TOX3: variants seen among roughly 807,000 people sequenced by gnomAD.
TOX3 encodes CAG trinucleotide repeat-containing gene F9 protein.
A neutral mutation model predicts 64.3 loss-of-function variants in TOX3; 22 were observed. The ratio of observed to expected loss-of-function variants is 0.34; its 90% CI spans 0.24 to 0.49. The LOEUF is 0.49. Among genes scored for constraint, TOX3 ranks in the 20% least tolerant of loss-of-function variants. TOX3 has a pLI of 0.99. For missense variants in TOX3, 661 were observed against 714.4 expected (o/e 0.93, Z 0.85); for synonymous variants, 291 against 273.6 (o/e 1.06, Z -0.63).
intron 1 of TOX3, among the ~76,000 whole-genome samples, chr16:52,476,488 G>A (rs1303469031): frequency 6.6e-6 from 1 of 151,904 alleles, no homozygotes; most frequent in African/African-American, 2.4e-5. Flanking sequence ...GTTTTGTTTT[G>A]GGAAGTTTTT....
At chr16:52,452,356 T>A (rs533581622) in intron 3 of TOX3, among the ~76,000 whole-genome samples, 1 of 152,324 alleles carries the variant, frequency 6.6e-6, no homozygotes, top group East Asian at 1.9e-4. Flanking sequence ...TTTGTCCTTG[T>A]GATAGATTGC....
intron 1 of TOX3, among the ~76,000 whole-genome samples, chr16:52,508,973 A>C (rs1596841208): frequency 6.6e-6 from 1 of 152,326 alleles, no homozygotes; most frequent in East Asian, 1.9e-4. Flanking sequence ...AAAGTATCTC[A>C]AAAAGGAACA....
Position 52,439,125 on chromosome 16 carries a change from T to C in TOX3, c.*100A>G. On this transcript the variant is annotated 3_prime_UTR_variant, in exon 7 of 7. Coordinates refer to ENST00000219746, the MANE Select transcript of TOX3 (RefSeq NM_001080430.4). ...AGGACCGTTTGATCTGTTACACATT[T>C]CTGCATAACCAACACCAACTTACAG... 2 of 1,535,880 alleles carry C rather than the reference T, an allele frequency of 1.3e-6. No homozygotes were observed. Among genetic ancestry groups the C allele is most frequent in the Non-Finnish European group, 1.8e-6 (2 of 1,127,700 alleles).
intron 1 of TOX3, among the ~76,000 whole-genome samples, chr16:52,491,018 G>T (rs1349170723): frequency 6.6e-6 from 1 of 152,118 alleles, no homozygotes; most frequent in Non-Finnish European, 1.5e-5. Flanking sequence ...TTCCAATATG[G>T]AAGTCTGATC....
At position 52,480,901 on chromosome 16, in the gene TOX3, AG is replaced by A. The variant is rs1037607338; in HGVS notation, c.88-12328del. Among the ~76,000 whole-genome samples, 27 of 106,982 alleles carry A rather than the reference AG, an allele frequency of 2.5e-4. 1 individual carries two copies. The East Asian group carries it at 5.3e-3, about 21-fold the overall frequency. The allele number at this position is 106,982 out of a possible 152,430, so 70.2% of individuals were successfully genotyped here. On this transcript the variant is annotated intron_variant, in intron 1 of 6. Transcript: ENST00000219746. ...CTCTGCCGGGGCAATTTTATTCCTC[AG>A]GGGACCTTTGATAATGTCTGAAGAG...
intron 2 of TOX3, among the ~76,000 whole-genome samples, chr16:52,465,922 G>A (rs185917228): frequency 6.6e-6 from 1 of 152,232 alleles, no homozygotes; most frequent in Non-Finnish European, 1.5e-5. Flanking sequence ...TGGATTTTCT[G>A]ACACATGCAT....
At chr16:52,479,780 G>A (rs1008733654) in intron 1 of TOX3, among the ~76,000 whole-genome samples, 4 of 152,136 alleles carry the variant, frequency 2.6e-5, no homozygotes, top group Admixed American at 1.3e-4. Flanking sequence ...AAAGGGTTGT[G>A]ACCTGTTATA....
At chr16:52,545,632 G>C (rs961896495) in intron 1 of TOX3, among the ~76,000 whole-genome samples, 1 of 152,210 alleles carries the variant, frequency 6.6e-6, no homozygotes, top group African/African-American at 2.4e-5. Context: ...GGAGGGAGGA[G>C]CAGGAGGAAG....
At chr16:52,451,078 G>A (rs949053254) in intron 3 of TOX3, among the ~76,000 whole-genome samples, 2 of 152,066 alleles carry the variant, frequency 1.3e-5, no homozygotes, top group Non-Finnish European at 1.5e-5. Flanking sequence ...GCAGAGGATG[G>A]GCCAGCAAAG....
intron 1 of TOX3, among the ~76,000 whole-genome samples, chr16:52,515,708 A>G (rs1019853448): frequency 2.0e-5 from 3 of 152,236 alleles, no homozygotes; most frequent in African/African-American, 7.2e-5. Context: ...GTTACTCTAA[A>G]TTAGAAGCAG....
intron 1 of TOX3, among the ~76,000 whole-genome samples, chr16:52,539,988 C>T (rs553959634): frequency 4.6e-5 from 7 of 152,192 alleles, no homozygotes; most frequent in East Asian, 3.9e-4. Flanking sequence ...ATCCTACTCC[C>T]GGTCTCTCCT....
chr16:52,510,504 C>G (rs1230608082), intron 1 of TOX3, among the ~76,000 whole-genome samples: 1 of 151,956 alleles, frequency 6.6e-6, no homozygotes, highest in African/African-American at 2.4e-5. Flanking sequence ...GCCTGTAATC[C>G]CAGCACTTTG....
At chr16:52,519,604 C>A in intron 1 of TOX3, 1 of 1,413,134 alleles carries the variant, frequency 7.1e-7, no homozygotes, top group Non-Finnish European at 9.3e-7. Context: ...AAAAAAACAA[C>A]ATGGTTGGGC....
At chr16:52,543,990 T>C (rs533778127) in intron 1 of TOX3, among the ~76,000 whole-genome samples, 1 of 152,336 alleles carries the variant, frequency 6.6e-6, no homozygotes, top group South Asian at 2.1e-4. Flanking sequence ...CTTTCACTTG[T>C]TAAGCCTAGA....
upstream of TOX3, chr16:52,547,262 G>C (rs1314849674): frequency 8.7e-6 from 1 of 115,504 alleles, no homozygotes; most frequent in African/African-American, 3.1e-5. Context: ...CCGCCCCGCC[G>C]GTGCGCTCCT....
chr16:52,518,683 G>A (rs796172398), intron 1 of TOX3, among the ~76,000 whole-genome samples: 18 of 152,174 alleles, frequency 1.2e-4, no homozygotes, highest in South Asian at 4.1e-4. Flanking sequence ...TTGATAAAAT[G>A]CAACACTGTA....
chr16:52,493,439 G>A (rs1211824237), intron 1 of TOX3, among the ~76,000 whole-genome samples: 3 of 152,122 alleles, frequency 2.0e-5, no homozygotes, highest in African/African-American at 7.2e-5. Flanking sequence ...ATTCCCAGGA[G>A]AGGTTAAAAA....
intron 1 of TOX3, among the ~76,000 whole-genome samples, chr16:52,496,211 CAA>C (rs964523123): frequency 5.3e-5 from 8 of 152,122 alleles, no homozygotes; most frequent in Non-Finnish European, 1.0e-4. Context: ...TGAGGGCAAA[CAA>C]GAGCTTAACT....
chr16:52,489,290 C>G (rs1235789810), intron 1 of TOX3, among the ~76,000 whole-genome samples: 1 of 152,010 alleles, frequency 6.6e-6, no homozygotes, highest in East Asian at 1.9e-4. Flanking sequence ...AATCTTGTAC[C>G]TCCCTCCCCT....
Sources: allele counts gnomAD v4.1 joint callset (sites outside exome capture counted in the v4.1 genomes callset), GRCh38; gene constraint gnomAD v4.1.1; transcripts MANE v1.5; gene names NCBI Gene and HGNC (gene_info 2026-07-23, HGNC 2026-07-21).